NR4A1: variants seen among roughly 807,000 people sequenced by gnomAD.
NR4A1 encodes the protein nuclear receptor subfamily 4 group A member 1, also known as nuclear receptor subfamily 4immunitygroup A member 1.
Under a neutral mutation model 47.5 loss-of-function variants are expected in NR4A1, and 24 were observed. The observed-to-expected ratio is 0.50, with a 90% CI of 0.37 to 0.71. NR4A1 has a LOEUF of 0.71. NR4A1 is among the 30% of genes least tolerant of loss of function. NR4A1 has a pLI of 0.00. For synonymous variants in NR4A1, 353 were observed against 345.7 expected (o/e 1.02, Z -0.24); for missense variants, 669 against 788.6 (o/e 0.85, Z 1.82).
chr12:52,026,545 G>A (rs562382659), intron 1 of NR4A1, among the ~76,000 whole-genome samples: 2 of 152,160 alleles, frequency 1.3e-5, no homozygotes, highest in East Asian at 3.9e-4. Context: ...AGGTCATATC[G>A]CTGTCCCGTT....
chr12:52,035,629 GTTTC>G (rs1356233446), intron 1 of NR4A1, among the ~76,000 whole-genome samples: 3 of 152,168 alleles, frequency 2.0e-5, no homozygotes, highest in Non-Finnish European at 4.4e-5. Context: ...TGAAGCCTCA[GTTTC>G]TTTATCTGCA....
At chr12:52,055,295 C>T (rs755801427) in intron 2 of NR4A1, 91 bp downstream of exon 2, 7 of 1,528,312 alleles carry the variant, frequency 4.6e-6, no homozygotes, top group Middle Eastern at 2.2e-4. Flanking sequence ...CCTGGGTTCT[C>T]CTCCTAGCTA....
chr12:52,036,139 C>T (rs1182553411), intron 1 of NR4A1, among the ~76,000 whole-genome samples: 1 of 152,184 alleles, frequency 6.6e-6, no homozygotes, highest in Non-Finnish European at 1.5e-5. Flanking sequence ...TTTGGCCGGG[C>T]CTTCCTGACC....
At position 52,057,637 on chromosome 12, in the gene NR4A1, T is replaced by G. The variant is rs1035457391; in HGVS notation, c.1540+107T>G. The G allele has an allele frequency of 5.3e-6, 7 of 1,317,044 alleles. No individual in the cohort carries two copies. In the Admixed American group the frequency reaches 8.1e-5, roughly 15 times the overall value. 81.6% of individuals were successfully genotyped at this position (1,317,044 alleles called of 1,614,324 possible). ...AGTTTGGTGGGCCGGGATCTAGCAC[T>G]TTCTGGGCCCCTGCACTGCCCCGGG... On this transcript the variant is annotated intron_variant, in intron 6 of 6. Transcript: ENST00000394825.
rs762578869 is a variant in NR4A1, at chr12:52,056,521, G to A, written c.1034G>A (p.Arg345Gln). ...EVVRTDSLKGRRGRLPSKPKQ... is the reference protein window; with the variant it reads ...EVVRTDSLKGQRGRLPSKPKQ... ...GTCCGAACAGACAGCCTGAAGGGGC[G>A]GCGGGGCCGGCTACCTTCAAAACCC... is the stretch of plus-strand genomic sequence containing the variant. The change falls in exon 4 of 7, where the codon CGG becomes CAG. Residue 345 changes from arginine to glutamine, a missense_variant. Physicochemically the swap from Arg to Gln is conservative, Grantham distance 43. Coordinates refer to ENST00000394825, the MANE Select transcript of NR4A1 (RefSeq NM_173157.3). 6.2e-6 allele frequency: 10 copies of A among 1,613,170 alleles called. No individual in the cohort carries two copies. Among genetic ancestry groups the A allele is most frequent in the Non-Finnish European group, 8.5e-6 (10 of 1,179,746 alleles).
chr12:52,052,053 C>A (rs1330749694), intron 1 of NR4A1, among the ~76,000 whole-genome samples: 1 of 152,134 alleles, frequency 6.6e-6, no homozygotes, highest in African/African-American at 2.4e-5. Context: ...TTTCTTAACA[C>A]TTTAGAGGCT....
rs930520765 is a variant in NR4A1, at chr12:52,059,155, C to A, written c.*211C>A. ...TGACCCCACGATTTGTCTTATCCCC[C>A]CCAGCCTGGCCCCGGCCTTTATGTT... is the stretch of plus-strand genomic sequence containing the variant. On this transcript the variant is annotated 3_prime_UTR_variant, in exon 7 of 7. Coordinates refer to ENST00000394825, the MANE Select transcript of NR4A1 (RefSeq NM_173157.3). The A allele has an allele frequency of 1.1e-5, 7 of 612,510 alleles. No individual in the cohort carries two copies. Among genetic ancestry groups the A allele is most frequent in the African/African-American group, 9.3e-5 (5 of 53,766 alleles). The allele number at this position is 612,510 out of a possible 1,614,324, so 37.9% of individuals were successfully genotyped here.
At chr12:52,053,520 C>G (rs576951737) in intron 1 of NR4A1, 1 of 152,190 alleles carries the variant, frequency 6.6e-6, no homozygotes, top group African/African-American at 2.4e-5. Flanking sequence ...CTTCCTCCCC[C>G]CTTGCCCTGT....
At position 52,056,499 on chromosome 12, in the gene NR4A1, C is replaced by T; in HGVS notation, c.1012C>T (p.Arg338Ter). 3.1e-6 allele frequency: 5 copies of T among 1,612,908 alleles called. No individual in the cohort carries two copies. Among genetic ancestry groups the T allele is most frequent in the African/African-American group, 1.3e-5 (1 of 74,938 alleles). The change falls in exon 4 of 7, where the codon CGA becomes TGA. Residue 338 changes from arginine (R) to a stop codon, truncating the protein, a stop_gained. Coordinates refer to ENST00000394825, the MANE Select transcript of NR4A1 (RefSeq NM_173157.3). LOFTEE classifies it high-confidence loss of function. ...CCCTACCCATTCCTTTGCAGTTGTC[C>T]GAACAGACAGCCTGAAGGGGCGGCG... ...LAVGMVKEVV[R>*]TDSLKGRRGR...
chr12:52,054,940 G>C lies in NR4A1; in HGVS notation c.612G>C (p.Gln204His). Residue 204 changes from glutamine (Q) to histidine (H), a missense_variant, in exon 2 of 7, where the codon CAG (glutamine) becomes CAC (histidine). Transcript: ENST00000394825. ...PPTGPSPSLA[Q>H]SPLKLFPSQA... ...CCGGCCCCAGCCCCAGCCTGGCCCA[G>C]AGCCCCCTGAAGTTGTTCCCCTCAC... is the stretch of plus-strand genomic sequence containing the variant. 1.2e-6 allele frequency: 2 copies of C among 1,614,150 alleles called. No homozygotes were observed. Among genetic ancestry groups the C allele is most frequent in the Non-Finnish European group, 1.7e-6 (2 of 1,180,024 alleles).
intron 1 of NR4A1, among the ~76,000 whole-genome samples, chr12:52,025,238 TTTAG>T (rs1319313729): frequency 3.3e-5 from 5 of 152,062 alleles, no homozygotes; most frequent in Admixed American, 6.6e-5. Context: ...TTGTCATATT[TTTAG>T]TAGAGATGGG....
intron 1 of NR4A1, among the ~76,000 whole-genome samples, chr12:52,024,600 G>T (rs1678462655): frequency 6.6e-6 from 1 of 152,136 alleles, no homozygotes; most frequent in African/African-American, 2.4e-5. Flanking sequence ...TGGGAGGCTC[G>T]CTTGAATCCT....
intron 1 of NR4A1, among the ~76,000 whole-genome samples, chr12:52,034,245 G>A (rs1938190122): frequency 6.6e-6 from 1 of 152,202 alleles, no homozygotes; most frequent in Non-Finnish European, 1.5e-5. Context: ...GAGGCCTCTT[G>A]AGACTAGTCC....
At chr12:52,025,875 G>A (rs561202402) in intron 1 of NR4A1, among the ~76,000 whole-genome samples, 8 of 152,220 alleles carry the variant, frequency 5.3e-5, no homozygotes, top group Non-Finnish European at 1.2e-4. Flanking sequence ...AGGGGATCCT[G>A]CTGGGATGGG....
rs777748779 is a variant in NR4A1 at position 52,058,986 on chromosome 12, G to A, written c.*42G>A. 2 of 1,574,810 alleles carry A rather than the reference G, an allele frequency of 1.3e-6. No individual in the cohort carries two copies. The highest frequency in any genetic ancestry group is 8.7e-7 in the Non-Finnish European group (1 of 1,154,404). On this transcript the variant is annotated 3_prime_UTR_variant, in exon 7 of 7. Transcript: ENST00000394825. The stretch of plus-strand genomic sequence containing the variant: ...CGTGTGCACATGCGCACTCTCATAT[G>A]CCACCCCATGTGCCTTTAGTCCACG...
intron 1 of NR4A1, among the ~76,000 whole-genome samples, chr12:52,033,105 T>C (rs1938162054): frequency 6.6e-6 from 1 of 152,196 alleles, no homozygotes; most frequent in Admixed American, 6.5e-5. Context: ...GGTGAGGTAA[T>C]GGAATCCTGG....
chr12:52,024,398 G>T (rs1045738167), intron 1 of NR4A1, among the ~76,000 whole-genome samples: 3 of 152,064 alleles, frequency 2.0e-5, no homozygotes, highest in Non-Finnish European at 4.4e-5. Context: ...CTCTCCAAGT[G>T]CTTAACTTAT....
chr12:52,023,560 C>T (rs1285044957), intron 1 of NR4A1, among the ~76,000 whole-genome samples: 2 of 152,042 alleles, frequency 1.3e-5, no homozygotes, highest in East Asian at 3.9e-4. Flanking sequence ...CACTAGCCCG[C>T]CCCCACCCCG....
chr12:52,057,181 C>G lies in NR4A1; in HGVS notation c.1283C>G (p.Ala428Gly). 1.2e-6 allele frequency: 2 copies of G among 1,614,108 alleles called. No homozygotes were observed. Among genetic ancestry groups the G allele is most frequent in the Admixed American group, 1.7e-5 (1 of 60,030 alleles). ...TGGGCGGAGAAGATCCCTGGCTTTG[C>G]TGAGCTGTCACCGGCTGACCAGGAC... ...RKWAEKIPGF[A>G]ELSPADQDLL... Residue 428 changes from alanine (A) to glycine (G), a missense_variant, in exon 5 of 7, where the codon GCT becomes GGT. Physicochemically the swap from Ala to Gly is moderately conservative, Grantham distance 60. Transcript: ENST00000394825.
Sources: allele counts gnomAD v4.1 joint callset (sites outside exome capture counted in the v4.1 genomes callset), GRCh38; gene constraint gnomAD v4.1.1; transcripts MANE v1.5; gene names NCBI Gene and HGNC (gene_info 2026-07-23, HGNC 2026-07-21).